The following AUTS2 variants were observed in gnomAD, a reference collection of about 807,000 sequenced individuals.
AUTS2 encodes the protein activator of transcription and developmental regulator AUTS2.
A neutral mutation model predicts 112.4 loss-of-function variants in AUTS2; 17 were observed. The observed-to-expected ratio is 0.15, with a 90% confidence interval of 0.10 to 0.23. The LOEUF is 0.23. Among genes scored for constraint, AUTS2 ranks in the 10% least tolerant of loss-of-function variants. The pLI is 1.00. For synonymous variants in AUTS2, 751 were observed against 702.7 expected, an observed-to-expected ratio of 1.07 and a Z score of -1.09; for missense variants, 1,510 against 1,701.6, an observed-to-expected ratio of 0.89 and a Z score of 1.98.
chr7:70,438,573 G>C (rs1795991185), intron 5 of AUTS2, among the ~76,000 whole-genome samples: 1 of 152,114 alleles, frequency 6.6e-6, no homozygotes, highest in Admixed American at 6.5e-5. Context: ...CACCTGCTTG[G>C]CCCTGTTGCA....
intron 1 of AUTS2, among the ~76,000 whole-genome samples, chr7:69,633,353 G>T (rs945394540): frequency 2.6e-5 from 4 of 151,960 alleles, no homozygotes; most frequent in Admixed American, 6.6e-5. Context: ...CCATTTGCCT[G>T]TCGACAGATG....
chr7:70,253,072 A>G (rs1387659191), intron 4 of AUTS2, among the ~76,000 whole-genome samples: 5 of 152,022 alleles, frequency 3.3e-5, no homozygotes, highest in Non-Finnish European at 2.9e-5. Flanking sequence ...CTATTTTCCT[A>G]AGCAGTCTTG....
intron 2 of AUTS2, among the ~76,000 whole-genome samples, chr7:70,044,089 T>C (rs1169303604): frequency 6.6e-6 from 1 of 152,056 alleles, no homozygotes; most frequent in Non-Finnish European, 1.5e-5. Context: ...CCTCCCTCCT[T>C]TCCTCTCATG....
At chr7:69,695,299 A>G (rs1260468231) in intron 1 of AUTS2, among the ~76,000 whole-genome samples, 1 of 152,214 alleles carries the variant, frequency 6.6e-6, no homozygotes. Flanking sequence ...ACTGCACTCC[A>G]GGCTGAGCAA....
intron 4 of AUTS2, among the ~76,000 whole-genome samples, chr7:70,333,975 A>G (rs1277083896): frequency 6.6e-6 from 1 of 152,106 alleles, no homozygotes; most frequent in African/African-American, 2.4e-5. Context: ...AAAAAGAAAT[A>G]CAGCTGATTT....
chr7:69,608,833 G>A (rs1318849603), intron 1 of AUTS2, among the ~76,000 whole-genome samples: 1 of 152,174 alleles, frequency 6.6e-6, no homozygotes, highest in African/African-American at 2.4e-5. Flanking sequence ...CATTTGATTA[G>A]TGTGTCTTAC....
intron 5 of AUTS2, among the ~76,000 whole-genome samples, chr7:70,661,070 A>G (rs1807046187): frequency 6.6e-6 from 1 of 151,890 alleles, no homozygotes; most frequent in Admixed American, 6.6e-5. Context: ...CTAGAACATC[A>G]GCACAGACAG....
rs995563861 is a variant in AUTS2, at chr7:70,694,960, C to CT, written c.691-3606dup. On this transcript the variant is annotated intron_variant, in intron 5 of 18. Transcript: ENST00000342771. The surrounding 1 kb of genome is among the most constrained non-coding windows in gnomAD (Gnocchi z 4.1). ...GTGTTTTGGTGGTTTCCCCCCTGGT[C>CT]TTTGACGATCGCCCTTCGGGAGCCC... 3 of 152,450 alleles carry CT rather than the reference C, an allele frequency of 2.0e-5. No individual in the cohort carries two copies. The highest frequency in any genetic ancestry group is 4.4e-5 in the Non-Finnish European group (3 of 68,290). The allele number at this position is 152,450 out of a possible 1,614,324, so 9.4% of individuals were successfully genotyped here.
intron 4 of AUTS2, among the ~76,000 whole-genome samples, chr7:70,253,622 C>T (rs915852914): frequency 6.6e-6 from 1 of 152,120 alleles, no homozygotes; most frequent in African/African-American, 2.4e-5. Flanking sequence ...TTTCATGCCT[C>T]TAGTGAAACT....
intron 2 of AUTS2, among the ~76,000 whole-genome samples, chr7:69,927,828 A>C (rs1200614819): frequency 6.6e-6 from 1 of 152,174 alleles, no homozygotes; most frequent in Non-Finnish European, 1.5e-5. Flanking sequence ...ATGTCTCTGG[A>C]TGAGGGGAAT....
At chr7:70,207,088 TAAGGTCCTTCA>T (rs962187620) in intron 4 of AUTS2, among the ~76,000 whole-genome samples, 10 of 152,352 alleles carry the variant, frequency 6.6e-5, no homozygotes, top group African/African-American at 2.4e-4. Context: ...TTTGTTCTTT[TAAGGTCCTTCA>T]AATAAGGTTT....
At chr7:70,311,986 T>C (rs1049569239) in intron 4 of AUTS2, among the ~76,000 whole-genome samples, 1 of 152,170 alleles carries the variant, frequency 6.6e-6, no homozygotes, top group South Asian at 2.1e-4. Flanking sequence ...AGTGCTGAGA[T>C]TATAGGCATG....
intron 4 of AUTS2, among the ~76,000 whole-genome samples, chr7:70,391,583 G>A (rs1490891172): frequency 6.6e-6 from 1 of 152,104 alleles, no homozygotes; most frequent in African/African-American, 2.4e-5. Context: ...CTGTAAAACT[G>A]TTATCAACCC....
chr7:70,097,996 T>TCAGCATGCTGTCTCCAAAACACATTTG (rs1260635595), intron 2 of AUTS2, among the ~76,000 whole-genome samples: 2 of 152,216 alleles, frequency 1.3e-5, no homozygotes, highest in African/African-American at 4.8e-5. Context: ...ATACGTAGAA[T>TCAGCATGCTGTCTCCAAAACACATTTG]CAGCATGCTG....
intron 2 of AUTS2, among the ~76,000 whole-genome samples, chr7:70,030,769 T>G (rs188193143): frequency 4.3e-4 from 65 of 152,312 alleles, no homozygotes; most frequent in Middle Eastern, 3.4e-3. Flanking sequence ...TAGAGCTTCT[T>G]GGTCTCACTT....
chr7:69,775,648 C>T (rs777065225), intron 1 of AUTS2, among the ~76,000 whole-genome samples: 5 of 152,020 alleles, frequency 3.3e-5, no homozygotes, highest in African/African-American at 9.7e-5. Context: ...GCCTTCATTC[C>T]GCAGCACACA....
At chr7:70,555,460 T>C (rs1201885560) in intron 5 of AUTS2, among the ~76,000 whole-genome samples, 1 of 151,978 alleles carries the variant, frequency 6.6e-6, no homozygotes, top group Non-Finnish European at 1.5e-5. Flanking sequence ...GGGGAGGAGA[T>C]GGTATTGAGA....
intron 6 of AUTS2, among the ~76,000 whole-genome samples, chr7:70,756,490 T>TA (rs572850922): frequency 4.6e-4 from 70 of 152,320 alleles, no homozygotes; most frequent in Non-Finnish European, 7.3e-4. Flanking sequence ...ATGAAATAGA[T>TA]ACTTAATGTA....
intron 1 of AUTS2, among the ~76,000 whole-genome samples, chr7:69,801,498 A>G (rs1190216159): frequency 6.7e-6 from 1 of 149,852 alleles, no homozygotes. Context: ...TATATGGTAT[A>G]TAAATGAATA....
Sources: gnomAD v4.1 joint callset for allele counts (sites outside exome capture counted in the v4.1 genomes callset) on GRCh38, gnomAD v4.1.1 for gene constraint, Gnocchi (gnomAD v3.1) non-coding constraint, MANE v1.5 for transcripts, NCBI Gene and HGNC (gene_info 2026-07-23, HGNC 2026-07-21) for gene names.